Variants in PITPNM2 observed in about 807,000 individuals in gnomAD.
The protein encoded by PITPNM2 is membrane-associated phosphatidylinositol transfer protein 2.
PITPNM2 carries 35 observed loss-of-function variants against 132.2 expected under a neutral mutation model. The observed-to-expected ratio is 0.26, with a 90% CI of 0.20 to 0.35. The LOEUF (loss-of-function observed/expected upper bound fraction) is 0.35, where lower values mean the gene tolerates loss of function less well. Among genes scored for constraint, PITPNM2 ranks in the 10% least tolerant of loss-of-function variants. The pLI is 1.00. For synonymous variants in PITPNM2, 738 were observed against 799.2 expected, an observed-to-expected ratio of 0.92 and a Z score of 1.29; for missense variants, 1,332 against 1,912.0, an observed-to-expected ratio of 0.70 and a Z score of 5.66.
At chr12:123,073,283 T>C (rs1055398033) in intron 2 of PITPNM2, among the ~76,000 whole-genome samples, 3 of 152,202 alleles carry the variant, frequency 2.0e-5, no homozygotes, top group African/African-American at 7.2e-5. Context: ...CCCTCTACAC[T>C]ACCCAAAAGC....
At chr12:123,055,772 T>C (rs2041003343) in intron 2 of PITPNM2, among the ~76,000 whole-genome samples, 2 of 152,054 alleles carry the variant, frequency 1.3e-5, no homozygotes, top group South Asian at 4.2e-4. Flanking sequence ...CCAGGCTCTC[T>C]TAAGCCACCC....
In PITPNM2 at chr12:122,987,372, C is replaced by T; in HGVS notation, c.3322G>A (p.Val1108Met). Residue 1108 changes from valine to methionine, a missense_variant, in exon 23 of 26, where the codon GTG (valine) becomes ATG (methionine). Around this residue, in one of 6 missense-constraint regions of PITPNM2, gnomAD observed 251 missense variants for 472.0 expected, o/e 0.53. Transcript: ENST00000320201. ...AAGGAACCGTCGATGCTGAAGACCA[C>T]GAACTCTGTGCCCTTGGGCAGCACG... ...ITVLPKGTEF[V>M]VFSIDGSFAA... 1.2e-6 allele frequency: 2 copies of T among 1,613,636 alleles called. No individual in the cohort carries two copies. The highest frequency in any genetic ancestry group is 8.5e-7 in the Non-Finnish European group (1 of 1,180,026).
chr12:122,986,269 G>A lies in PITPNM2; in HGVS notation c.3808C>T (p.Arg1270Cys), dbSNP rs1411716430. The change falls in exon 26 of 26, where the codon CGC becomes TGC. Residue 1270 changes from arginine to cysteine, a missense_variant. Physicochemically the swap from Arg to Cys is radical, Grantham distance 180. Transcript: ENST00000320201. ...RARPARNTAT[R>C]MALRKGSFGL... ...AAGCTGCCCTTGCGCAGCGCCATGC[G>A]GGTGGCCGTGTTGCGAGCGGGCCGC... 14 of 1,582,536 alleles carry A rather than the reference G, an allele frequency of 8.8e-6. No individual in the cohort carries two copies. The highest frequency in any genetic ancestry group is 2.3e-5 in the East Asian group (1 of 43,768).
rs1394553626 is a variant in PITPNM2 at position 122,989,788 on chromosome 12, T to C, written c.2730A>G (p.Glu910=). 5.0e-6 allele frequency: 7 copies of C among 1,401,980 alleles called. No individual in the cohort carries two copies. Among genetic ancestry groups the C allele is most frequent in the Non-Finnish European group, 6.5e-6 (7 of 1,074,066 alleles). The allele number at this position is 1,401,980 out of a possible 1,614,324, so 86.8% of individuals were successfully genotyped here. A position where few individuals can be genotyped will look rare whatever the true frequency, so the allele number is the denominator to read the frequency against. ...APGLPELDIG[E]VAAKWWGQKR... ...AGGGGAAAGTGTGTGGGGTGGTACCTTCTCCAATGTCCAGCTCAGGGAGGC... is the reference window on the plus strand; with the variant it reads ...AGGGGAAAGTGTGTGGGGTGGTACCCTCTCCAATGTCCAGCTCAGGGAGGC... The change falls in exon 18 of 26, where the codon GAA becomes GAG. Residue 910 remains glutamate, a splice_region_variant and synonymous_variant. Coordinates refer to ENST00000320201, the MANE Select transcript of PITPNM2 (RefSeq NM_020845.3).
intron 2 of PITPNM2, chr12:123,091,699 G>A (rs1450361216): frequency 6.6e-6 from 1 of 152,176 alleles, no homozygotes; most frequent in Non-Finnish European, 1.5e-5. Flanking sequence ...CTCCCAGATG[G>A]GCCACACTGA....
intron 2 of PITPNM2, among the ~76,000 whole-genome samples, chr12:123,035,573 G>A (rs2040237281): frequency 1.3e-5 from 2 of 152,098 alleles, no homozygotes. Flanking sequence ...GGCTGAGGCA[G>A]GAGAATCGCT....
At chr12:123,140,375 T>C (rs894902917) in intron 1 of PITPNM2, among the ~76,000 whole-genome samples, 2 of 152,126 alleles carry the variant, frequency 1.3e-5, no homozygotes, top group African/African-American at 4.8e-5. Context: ...CTCCCCAACC[T>C]GGCTTCCTGT....
chr12:123,096,465 C>T (rs1017285092), intron 2 of PITPNM2, among the ~76,000 whole-genome samples: 1 of 152,196 alleles, frequency 6.6e-6, no homozygotes. Context: ...GGCATGCGTT[C>T]TGTTCCTCAC....
At chr12:123,132,760 A>C (rs1474180681) in intron 1 of PITPNM2, among the ~76,000 whole-genome samples, 2 of 152,146 alleles carry the variant, frequency 1.3e-5, no homozygotes, top group Non-Finnish European at 2.9e-5. Context: ...ATATAAGTAG[A>C]ATCATACAAT....
chr12:122,987,956 T>A, intron 20 of PITPNM2, 55 bp from the exon 21 acceptor site: 3 of 1,483,978 alleles, frequency 2.0e-6, no homozygotes, highest in Non-Finnish European at 2.8e-6. Flanking sequence ...CCCGGGTCCC[T>A]GTGTTCTGCT....
At chr12:123,124,001 A>T (rs2043083611) in intron 1 of PITPNM2, among the ~76,000 whole-genome samples, 1 of 152,074 alleles carries the variant, frequency 6.6e-6, no homozygotes, top group African/African-American at 2.4e-5. Flanking sequence ...CACACCTGTA[A>T]TCCCACCACT....
At chr12:123,006,905 T>C (rs910510088) in intron 6 of PITPNM2, among the ~76,000 whole-genome samples, 4 of 152,066 alleles carry the variant, frequency 2.6e-5, no homozygotes, top group Admixed American at 6.5e-5. Flanking sequence ...CAAACTGTTA[T>C]CTTACAATGA....
In PITPNM2 at chr12:123,108,859, C is replaced by T. The variant is rs2042776658; in HGVS notation, c.-96+1526G>A. Among the ~76,000 whole-genome samples, 8 of 152,104 alleles carry T rather than the reference C, an allele frequency of 5.3e-5. No individual in the cohort carries two copies. In the South Asian group the frequency reaches 1.7e-3, roughly 32 times the overall value. ...ACCCGGAGAAGGGAAGGGACTTACC[C>T]GAGATCAGACAGCAAGTAACAGTTG... On this transcript the variant is annotated intron_variant, in intron 2 of 25. Transcript: ENST00000320201. The surrounding 1 kb of genome is among the most constrained non-coding windows in gnomAD (Gnocchi z 4.4).
At chr12:123,128,907 G>A (rs1424559672) in intron 1 of PITPNM2, among the ~76,000 whole-genome samples, 2 of 152,232 alleles carry the variant, frequency 1.3e-5, no homozygotes, top group African/African-American at 2.4e-5. Context: ...AGGCCAAGAG[G>A]GCGTATCACC....
intron 1 of PITPNM2, among the ~76,000 whole-genome samples, chr12:123,115,151 G>A (rs2042910959): frequency 6.6e-6 from 1 of 152,188 alleles, no homozygotes; most frequent in African/African-American, 2.4e-5. Context: ...CACAGGCCAA[G>A]AGGAGGAGCT....
At chr12:123,110,122 T>C (rs2042805652) in intron 2 of PITPNM2, among the ~76,000 whole-genome samples, 1 of 152,014 alleles carries the variant, frequency 6.6e-6, no homozygotes, top group Non-Finnish European at 1.5e-5. Flanking sequence ...CTCACCCAGT[T>C]AATTTTTTTT....
chr12:123,130,438 C>T (rs1028182891), intron 1 of PITPNM2, among the ~76,000 whole-genome samples: 2 of 152,126 alleles, frequency 1.3e-5, no homozygotes, highest in Admixed American at 6.5e-5. Flanking sequence ...CCAAGGCCAC[C>T]GAGCCATCCT....
intron 3 of PITPNM2, among the ~76,000 whole-genome samples, chr12:123,015,812 G>C (rs558693299): frequency 6.6e-6 from 1 of 152,232 alleles, no homozygotes; most frequent in East Asian, 1.9e-4. Flanking sequence ...GAGAGAAAAA[G>C]ACAACCCACC....
At chr12:123,015,851 T>C (rs976335356) in intron 3 of PITPNM2, among the ~76,000 whole-genome samples, 4 of 152,202 alleles carry the variant, frequency 2.6e-5, no homozygotes, top group African/African-American at 7.2e-5. Context: ...GCATACCATG[T>C]ATCTGATAAG....
Sources: gnomAD v4.1 joint callset for allele counts (sites outside exome capture counted in the v4.1 genomes callset) on GRCh38, gnomAD v4.1.1 for gene constraint, gnomAD v4.1.1 regional missense constraint, Gnocchi (gnomAD v3.1) non-coding constraint, MANE v1.5 for transcripts, NCBI Gene and HGNC (gene_info 2026-07-23, HGNC 2026-07-21) for gene names.